Variants in RPS6KA2 observed in about 807,000 individuals in gnomAD.
RPS6KA2 encodes the protein ribosomal protein S6 kinase A2, also known as ribosomal protein S6 kinase alpha-2.
A neutral mutation model predicts 91.8 loss-of-function variants in RPS6KA2; 42 were observed. That is an observed-to-expected ratio of 0.46 (90% CI 0.36 to 0.59). The LOEUF (loss-of-function observed/expected upper bound fraction) is 0.59. Among genes scored for constraint, RPS6KA2 ranks in the 20% least tolerant of loss-of-function variants. RPS6KA2 has a pLI of 0.00. For synonymous variants in RPS6KA2, 414 were observed against 393.6 expected (o/e 1.05, Z -0.61); for missense variants, 798 against 978.5 (o/e 0.82, Z 2.46).
rs554675183 is a variant in RPS6KA2 at position 166,545,959 on chromosome 6, C to T, written c.100-7175G>A. On this transcript the variant is annotated intron_variant, in intron 1 of 20. Coordinates refer to ENST00000265678, the MANE Select transcript of RPS6KA2 (RefSeq NM_021135.6). Reference sequence around the variant, plus strand: ...CATGGGCTCCCAGTCCTGACATCGGCCATTCTGTCGGTGTGCTCATTCTGA... The same window carrying T: ...CATGGGCTCCCAGTCCTGACATCGGTCATTCTGTCGGTGTGCTCATTCTGA... Among the ~76,000 whole-genome samples the T allele has an allele frequency of 2.5e-4, 38 of 152,302 alleles. No homozygotes were observed. In the East Asian group the frequency reaches 5.6e-3, roughly 22 times the overall value.
chr6:166,582,503 A>G (rs543766401), intron 1 of RPS6KA2, among the ~76,000 whole-genome samples: 1 of 152,334 alleles, frequency 6.6e-6, no homozygotes, highest in Non-Finnish European at 1.5e-5. Context: ...TACGATCACA[A>G]ATTACATTCC....
intron 1 of RPS6KA2, among the ~76,000 whole-genome samples, chr6:166,570,525 G>A (rs1427868980): frequency 2.0e-5 from 3 of 152,206 alleles, no homozygotes; most frequent in African/African-American, 7.2e-5. Context: ...GGACATTTCA[G>A]CAAATGAAGT....
At chr6:166,480,384 C>T (rs1223472594) in intron 10 of RPS6KA2, among the ~76,000 whole-genome samples, 2 of 150,484 alleles carry the variant, frequency 1.3e-5, no homozygotes, top group South Asian at 2.1e-4. Flanking sequence ...ATAGCCCCTT[C>T]GTAAGACAGG....
chr6:166,712,909 G>GCT (rs1789905591), intron 2 of RPS6KA2, among the ~76,000 whole-genome samples: 1 of 152,136 alleles, frequency 6.6e-6, no homozygotes, highest in Admixed American at 6.5e-5. Flanking sequence ...CTCATGTCTC[G>GCT]CTCTCTCTCC....
intron 2 of RPS6KA2, among the ~76,000 whole-genome samples, chr6:166,787,322 A>C (rs1225141223): frequency 6.6e-6 from 1 of 152,182 alleles, no homozygotes; most frequent in East Asian, 1.9e-4. Flanking sequence ...TGCTTTTAAA[A>C]ATATTTAAGT....
chr6:166,549,999 C>G (rs6925560), intron 1 of RPS6KA2, among the ~76,000 whole-genome samples: 3,781 of 151,852 alleles, frequency 0.025, 150 homozygotes, highest in African/African-American at 0.086. Flanking sequence ...AGTCTATTTG[C>G]CAATATTGAA....
intron 1 of RPS6KA2, among the ~76,000 whole-genome samples, chr6:166,549,929 C>A (rs1029546216): frequency 6.6e-6 from 1 of 152,172 alleles, no homozygotes; most frequent in African/African-American, 2.4e-5. Context: ...ACGTGTTTTG[C>A]AGCTTCCTGT....
intron 2 of RPS6KA2, among the ~76,000 whole-genome samples, chr6:166,640,569 C>A (rs1450545777): frequency 2.0e-5 from 3 of 152,190 alleles, no homozygotes; most frequent in Non-Finnish European, 4.4e-5. Context: ...TCTGGGCAAC[C>A]TGCTGGGTCA....
chr6:166,608,844 A>G (rs754817125), intron 1 of RPS6KA2, among the ~76,000 whole-genome samples: 6 of 152,186 alleles, frequency 3.9e-5, no homozygotes, highest in Non-Finnish European at 8.8e-5. Flanking sequence ...ATTTAGGCCC[A>G]AAGTCATGTT....
chr6:166,594,611 T>C (rs1052334153), intron 1 of RPS6KA2, among the ~76,000 whole-genome samples: 7 of 152,298 alleles, frequency 4.6e-5, no homozygotes, highest in Admixed American at 3.9e-4. Flanking sequence ...TACAGGCGCC[T>C]GCCACGATGC....
Position 166,563,955 on chromosome 6 carries a change from T to C in RPS6KA2, c.100-25171A>G, listed in dbSNP as rs907388940. On this transcript the variant is annotated intron_variant, in intron 1 of 20. Transcript: ENST00000265678. The surrounding 1 kb of genome is among the most constrained non-coding windows in gnomAD (Gnocchi z 4.1). ...GAGACGATTACTCCGTGTCTCAGCA[T>C]GAAGAAATGGCAGATGTCAGATGTC... Among the ~76,000 whole-genome samples, 1 of 152,152 alleles carries C rather than the reference T, an allele frequency of 6.6e-6. No homozygotes were observed. Among genetic ancestry groups the C allele is most frequent in the Non-Finnish European group, 1.5e-5 (1 of 68,030 alleles).
chr6:166,758,368 C>A (rs531073177), intron 2 of RPS6KA2, among the ~76,000 whole-genome samples: 94 of 152,298 alleles, frequency 6.2e-4, no homozygotes, highest in Admixed American at 1.2e-3. Context: ...TCCTCTCTGG[C>A]TAACATAAAC....
chr6:166,731,107 T>C (rs1429755252), intron 2 of RPS6KA2, among the ~76,000 whole-genome samples: 1 of 152,180 alleles, frequency 6.6e-6, no homozygotes, highest in Non-Finnish European at 1.5e-5. Flanking sequence ...CCGGGCGTGC[T>C]GGCGCATGCC....
chr6:166,595,417 A>C (rs1393388263), intron 1 of RPS6KA2, among the ~76,000 whole-genome samples: 1 of 152,192 alleles, frequency 6.6e-6, no homozygotes, highest in African/African-American at 2.4e-5. Context: ...CATAATTCCC[A>C]AAAAGCCAAG....
rs1562472331 is a variant in RPS6KA2 at position 166,410,073 on chromosome 6, G to A, written c.*2689C>T. 2 of 152,094 alleles carry A rather than the reference G, an allele frequency of 1.3e-5. No individual in the cohort carries two copies. Among genetic ancestry groups the A allele is most frequent in the Non-Finnish European group, 2.9e-5 (2 of 68,030 alleles). 9.4% of individuals were successfully genotyped at this position (152,094 alleles called of 1,614,324 possible). A position where few individuals can be genotyped will look rare whatever the true frequency, so the allele number is the denominator to read the frequency against. On this transcript the variant is annotated 3_prime_UTR_variant, in exon 21 of 21. Transcript: ENST00000265678. ...CACATGGGGGGCTGCCAGGGAAGGA[G>A]GACCCTATAGGGTGGCCAGCAAGGG...
chr6:166,828,094 C>G (rs761652018), intron 2 of RPS6KA2, among the ~76,000 whole-genome samples: 4 of 152,180 alleles, frequency 2.6e-5, no homozygotes, highest in Non-Finnish European at 5.9e-5. Context: ...AAGTACAAAC[C>G]CATGGATGAG....
At chr6:166,804,325 T>C (rs953409773) in intron 2 of RPS6KA2, among the ~76,000 whole-genome samples, 1 of 152,152 alleles carries the variant, frequency 6.6e-6, no homozygotes, top group Admixed American at 6.5e-5. Context: ...TTAGGTATCA[T>C]ATATTTATGT....
intron 3 of RPS6KA2, among the ~76,000 whole-genome samples, chr6:166,528,076 T>C (rs1314834283): frequency 6.6e-6 from 1 of 152,084 alleles, no homozygotes; most frequent in Non-Finnish European, 1.5e-5. Context: ...CGCCTAGGAG[T>C]GGACCAGTGA....
At chr6:166,479,857 G>A (rs965748493) in intron 10 of RPS6KA2, among the ~76,000 whole-genome samples, 1 of 152,120 alleles carries the variant, frequency 6.6e-6, no homozygotes, top group Admixed American at 6.5e-5. Flanking sequence ...GGATAATTCT[G>A]AACGTTCTGT....
Sources: allele counts gnomAD v4.1 joint callset (sites outside exome capture counted in the v4.1 genomes callset), GRCh38; gene constraint gnomAD v4.1.1; non-coding constraint Gnocchi (gnomAD v3.1); transcripts MANE v1.5; gene names NCBI Gene and HGNC (gene_info 2026-07-23, HGNC 2026-07-21).